RPS6KC1: variants seen among roughly 807,000 people sequenced by gnomAD.
RPS6KC1 encodes ribosomal protein S6 kinase C1.
A neutral mutation model predicts 103.8 loss-of-function variants in RPS6KC1; 54 were observed. That is an observed-to-expected ratio of 0.52 (90% CI 0.42 to 0.65). The LOEUF is 0.65. Among genes scored for constraint, RPS6KC1 ranks in the 30% least tolerant of loss-of-function variants. The pLI, the probability that RPS6KC1 is intolerant of heterozygous loss-of-function variation, is 0.00. For missense variants in RPS6KC1, 1,151 were observed against 1,253.8 expected (o/e 0.92, Z 1.24); for synonymous variants, 439 against 438.7 (o/e 1.00, Z -0.01).
At chr1:213,546,655 A>G in the RPS6KC1 span, among the ~76,000 whole-genome samples, 1 of 152,088 alleles carries the variant, frequency 6.6e-6, no homozygotes, top group Non-Finnish European at 1.5e-5. Flanking sequence ...AAGCTGCATT[A>G]TTTTAAAAAA....
the RPS6KC1 span, among the ~76,000 whole-genome samples, chr1:213,788,331 T>G: frequency 6.6e-6 from 1 of 152,140 alleles, no homozygotes; most frequent in African/African-American, 2.4e-5. Flanking sequence ...TGCCAAAAAT[T>G]TTATTTATCA....
At chr1:213,633,642 A>C in the RPS6KC1 span, among the ~76,000 whole-genome samples, 1 of 151,944 alleles carries the variant, frequency 6.6e-6, no homozygotes, top group African/African-American at 2.4e-5. Flanking sequence ...ACACCAACTA[A>C]TGGGCAAAAT....
the RPS6KC1 span, among the ~76,000 whole-genome samples, chr1:213,589,938 G>GGGGTGTGT: frequency 1.2e-3 from 166 of 132,826 alleles, 1 homozygote; most frequent in African/African-American, 4.7e-3. Flanking sequence ...AAAAGGTAGT[G>GGGGTGTGT]GTGTGTGTGT....
chr1:213,454,147 T>TG, the RPS6KC1 span, among the ~76,000 whole-genome samples: 44,303 of 150,458 alleles, frequency 0.29, 7,110 homozygotes, highest in African/African-American at 0.43. Flanking sequence ...TTTGACCACA[T>TG]GGGGGGGGTC....
chr1:213,752,914 A>G, the RPS6KC1 span, among the ~76,000 whole-genome samples: 3 of 152,200 alleles, frequency 2.0e-5, no homozygotes, highest in African/African-American at 7.2e-5. Flanking sequence ...AGAGCAAACC[A>G]GAAGAGTGGA....
chr1:213,644,509 C>T, the RPS6KC1 span, among the ~76,000 whole-genome samples: 8 of 152,116 alleles, frequency 5.3e-5, no homozygotes, highest in Non-Finnish European at 1.2e-4. Flanking sequence ...TAAAAATCCT[C>T]TGTGTTTTGT....
the RPS6KC1 span, among the ~76,000 whole-genome samples, chr1:213,573,903 G>A: frequency 7.9e-5 from 12 of 152,346 alleles, no homozygotes; most frequent in South Asian, 2.3e-3. Flanking sequence ...TGCCAGAAGT[G>A]AGTGAAGGTC....
the RPS6KC1 span, among the ~76,000 whole-genome samples, chr1:213,844,613 A>C: frequency 6.6e-6 from 1 of 152,242 alleles, no homozygotes; most frequent in African/African-American, 2.4e-5. Flanking sequence ...CAAAGTTACA[A>C]GCAAGAGATA....
the RPS6KC1 span, among the ~76,000 whole-genome samples, chr1:213,290,741 C>G: frequency 5.9e-3 from 903 of 152,242 alleles, 6 homozygotes; most frequent in Admixed American, 0.012. Flanking sequence ...AGCCTGGTCA[C>G]TAGTCAAGAA....
chr1:213,295,385 G>C, the RPS6KC1 span, among the ~76,000 whole-genome samples: 4 of 152,242 alleles, frequency 2.6e-5, no homozygotes, highest in South Asian at 4.2e-4. Flanking sequence ...CTCTAAGATT[G>C]GGATGTCTTC....
chr1:213,769,556 G>C, the RPS6KC1 span, among the ~76,000 whole-genome samples: 2 of 150,218 alleles, frequency 1.3e-5, no homozygotes, highest in African/African-American at 5.0e-5. Context: ...ATTCCCAAAT[G>C]ACAAGGAGGC....
the RPS6KC1 span, among the ~76,000 whole-genome samples, chr1:213,337,904 G>A: frequency 2.6e-3 from 397 of 152,256 alleles, 2 homozygotes; most frequent in African/African-American, 9.1e-3. Flanking sequence ...TAGTAATATA[G>A]GGTAGGGACA....
chr1:213,674,361 A>C, the RPS6KC1 span, among the ~76,000 whole-genome samples: 66 of 152,264 alleles, frequency 4.3e-4, no homozygotes, highest in Non-Finnish European at 4.6e-4. Context: ...TTTAGCTCCC[A>C]CTTTTAAGTG....
chr1:213,734,717 G>A, the RPS6KC1 span, among the ~76,000 whole-genome samples: 1 of 152,194 alleles, frequency 6.6e-6, no homozygotes, highest in Non-Finnish European at 1.5e-5. Context: ...ATTTCAAATA[G>A]TTTTTTGAGT....
At chr1:213,356,465 G>A in the RPS6KC1 span, among the ~76,000 whole-genome samples, 2 of 152,098 alleles carry the variant, frequency 1.3e-5, no homozygotes, top group Non-Finnish European at 2.9e-5. Flanking sequence ...GACCAGCCTG[G>A]CCAACATGGT....
chr1:213,712,800 G>T, the RPS6KC1 span, among the ~76,000 whole-genome samples: 1 of 152,158 alleles, frequency 6.6e-6, no homozygotes, highest in South Asian at 2.1e-4. Context: ...CCCTGGTGAG[G>T]CAATACCCCA....
chr1:213,250,714 T>C (rs2094530429), intron 12 of RPS6KC1, among the ~76,000 whole-genome samples: 1 of 152,196 alleles, frequency 6.6e-6, no homozygotes, highest in Admixed American at 6.5e-5. Context: ...AGTTTATAAC[T>C]ATTAGAGGAG....
the RPS6KC1 span, among the ~76,000 whole-genome samples, chr1:213,351,520 T>C: frequency 0.024 from 3,636 of 152,304 alleles, 65 homozygotes; most frequent in Admixed American, 0.044. Flanking sequence ...ACAGATTCTG[T>C]AAGATTTTAG....
chr1:213,696,552 G>C, the RPS6KC1 span, among the ~76,000 whole-genome samples: 1 of 150,786 alleles, frequency 6.6e-6, no homozygotes, highest in Non-Finnish European at 1.5e-5. Flanking sequence ...TCTCTTCTTA[G>C]GGAAGAAGCT....
Sources: allele counts gnomAD v4.1 joint callset (sites outside exome capture counted in the v4.1 genomes callset), GRCh38; gene constraint gnomAD v4.1.1; transcripts MANE v1.5; gene names NCBI Gene and HGNC (gene_info 2026-07-23, HGNC 2026-07-21).